The following USP6NL variants were observed in gnomAD, a reference collection of about 807,000 sequenced individuals.
The protein encoded by USP6NL is USP6 N-terminal-like protein.
USP6NL carries 26 observed loss-of-function variants against 61.9 expected under a neutral mutation model. That is an observed-to-expected ratio of 0.42 (90% CI 0.31 to 0.58). The LOEUF (loss-of-function observed/expected upper bound fraction) is 0.58, where lower values mean the gene tolerates loss of function less well. Ranked by LOEUF, USP6NL falls within the 20% of genes least tolerant of loss-of-function variation. The pLI is 0.16. For synonymous variants in USP6NL, 432 were observed against 390.1 expected, an observed-to-expected ratio of 1.11 and a Z score of -1.27; for missense variants, 1,114 against 1,034.3, an observed-to-expected ratio of 1.08 and a Z score of -1.06.
Position 11,592,327 on chromosome 10 carries a change from T to C in USP6NL, c.4+5304A>G, listed in dbSNP as rs1838181754. On this transcript the variant is annotated intron_variant, in intron 2 of 14. Coordinates refer to ENST00000609104, the MANE Select transcript of USP6NL (RefSeq NM_014688.5). This position sits in a 1 kb window ranked among gnomAD's most constrained non-coding sequence, Gnocchi z 4.7. ...TTCTGAGAAGCAATTTCTGCTGGCA[T>C]TCTTCACCACTGACTACAGCTAAAG... Among the ~76,000 whole-genome samples, 1 of 152,216 alleles carries C rather than the reference T, an allele frequency of 6.6e-6. No individual in the cohort carries two copies. The highest frequency in any genetic ancestry group is 2.4e-5 in the African/African-American group (1 of 41,448).
chr10:11,472,482 A>C (rs1832797821), intron 14 of USP6NL, among the ~76,000 whole-genome samples: 1 of 152,240 alleles, frequency 6.6e-6, no homozygotes, highest in Non-Finnish European at 1.5e-5. Flanking sequence ...TTACACTTTC[A>C]ATAGAAGAAT....
chr10:11,535,278 C>T (rs1175863249), intron 2 of USP6NL, among the ~76,000 whole-genome samples: 1 of 152,130 alleles, frequency 6.6e-6, no homozygotes, highest in Non-Finnish European at 1.5e-5. Context: ...TCTCCAGTAC[C>T]CCAGTGGGTC....
At position 11,474,436 on chromosome 10, in the gene USP6NL, A is replaced by G. The variant is rs984399564; in HGVS notation, c.1078+7334T>C. Among the ~76,000 whole-genome samples, 10 of 152,178 alleles carry G rather than the reference A, an allele frequency of 6.6e-5. No homozygotes were observed. Among genetic ancestry groups the G allele is most frequent in the Admixed American group, 3.9e-4 (6 of 15,278 alleles). ...TTTTATTTAAATTGAAATTTGATAC[A>G]TTGAAAGGAAACTGGATATATTACA... On this transcript the variant is annotated intron_variant, in intron 14 of 14. Coordinates refer to ENST00000609104, the MANE Select transcript of USP6NL (RefSeq NM_014688.5). This position sits in a 1 kb window ranked among gnomAD's most constrained non-coding sequence, Gnocchi z 4.9.
At chr10:11,555,918 A>G (rs1836692146) in intron 2 of USP6NL, among the ~76,000 whole-genome samples, 1 of 152,240 alleles carries the variant, frequency 6.6e-6, no homozygotes, top group Non-Finnish European at 1.5e-5. Flanking sequence ...AGTTTCCTTC[A>G]AAACTGAAGG....
chr10:11,516,245 T>C (rs958652511), intron 5 of USP6NL, among the ~76,000 whole-genome samples: 4 of 152,166 alleles, frequency 2.6e-5, no homozygotes, highest in Non-Finnish European at 2.9e-5. Flanking sequence ...AAATAATACA[T>C]TGGCAAAGCT....
chr10:11,573,202 C>T (rs1460205779), intron 2 of USP6NL, among the ~76,000 whole-genome samples: 1 of 152,028 alleles, frequency 6.6e-6, no homozygotes, highest in African/African-American at 2.4e-5. Flanking sequence ...TATGTTCTAC[C>T]ACAGGCAGAA....
At chr10:11,542,357 T>C (rs1836099484) in intron 2 of USP6NL, among the ~76,000 whole-genome samples, 1 of 151,996 alleles carries the variant, frequency 6.6e-6, no homozygotes, top group Non-Finnish European at 1.5e-5. Flanking sequence ...ACAAAAAAGC[T>C]GATAGAAAAA....
intron 2 of USP6NL, among the ~76,000 whole-genome samples, chr10:11,588,396 G>A (rs192047737): frequency 7.4e-4 from 113 of 152,144 alleles, no homozygotes; most frequent in African/African-American, 2.7e-3. Context: ...GTTGTTTTTC[G>A]GAACCATACA....
rs938404266 is a variant in USP6NL, at chr10:11,470,420, C to T, written c.1079-6571G>A. On this transcript the variant is annotated intron_variant, in intron 14 of 14. Transcript: ENST00000609104. This position sits in a 1 kb window ranked among gnomAD's most constrained non-coding sequence, Gnocchi z 5.4. ...AATCTCCTTGACTTCATTACAGAGG[C>T]GGTTCCTTTCTAGAGATTAATTATT... 1.3e-5 allele frequency among the ~76,000 whole-genome samples: 2 copies of T among 152,260 alleles called. No individual in the cohort carries two copies. The highest frequency in any genetic ancestry group is 3.9e-4 in the East Asian group (2 of 5,182).
At chr10:11,464,508 G>C (rs1232610791) in intron 14 of USP6NL, among the ~76,000 whole-genome samples, 1 of 152,222 alleles carries the variant, frequency 6.6e-6, no homozygotes, top group African/African-American at 2.4e-5. Context: ...CCACTAGCAA[G>C]TCACAGGTCC....
chr10:11,481,889 A>G lies in USP6NL; in HGVS notation c.959T>C (p.Val320Ala). Residue 320 changes from valine to alanine, a missense_variant, in exon 14 of 15, where the codon GTA becomes GCA. Val to Ala is a moderately conservative substitution (Grantham distance 64). Coordinates refer to ENST00000609104, the MANE Select transcript of USP6NL (RefSeq NM_014688.5). This position sits in a 1 kb window ranked among gnomAD's most constrained non-coding sequence, Gnocchi z 4.4. ...TGCCAGGGTCTCCTGAAAAAATTCTACAAGTTCTTCCATGGACAATTTCAT... is the reference window on the plus strand; with the variant it reads ...TGCCAGGGTCTCCTGAAAAAATTCTGCAAGTTCTTCCATGGACAATTTCAT... ...HLMKLSMEEL[V>A]EFFQETLAKD... is the part of the protein sequence containing the mutation. 1 of 1,611,540 alleles carries G rather than the reference A, an allele frequency of 6.2e-7. No individual in the cohort carries two copies. Among genetic ancestry groups the G allele is most frequent in the Non-Finnish European group, 8.5e-7 (1 of 1,178,840 alleles).
At position 11,574,205 on chromosome 10, in the gene USP6NL, T is replaced by C. The variant is rs930301460; in HGVS notation, c.4+23426A>G. On this transcript the variant is annotated intron_variant, in intron 2 of 14. Coordinates refer to ENST00000609104, the MANE Select transcript of USP6NL (RefSeq NM_014688.5). The surrounding 1 kb of genome is among the most constrained non-coding windows in gnomAD (Gnocchi z 4.3). ...CTTGTATTTGAAACGGAAAATAAAA[T>C]GTGGATAAAAATAAAATCTATCTTG... 6.6e-6 allele frequency among the ~76,000 whole-genome samples: 1 copy of C among 152,204 alleles called. No homozygotes were observed. Among genetic ancestry groups the C allele is most frequent in the South Asian group, 2.1e-4 (1 of 4,834 alleles).
chr10:11,514,332 G>A (rs1156484264), intron 5 of USP6NL, among the ~76,000 whole-genome samples: 1 of 148,978 alleles, frequency 6.7e-6, no homozygotes, highest in African/African-American at 2.5e-5. Flanking sequence ...TGTGATGGTG[G>A]TAAAATGGTG....
At chr10:11,607,915 G>T (rs1838760647) in intron 1 of USP6NL, among the ~76,000 whole-genome samples, 1 of 152,156 alleles carries the variant, frequency 6.6e-6, no homozygotes, top group South Asian at 2.1e-4. Context: ...AGACACAGGT[G>T]CAATGTGTAC....
intron 2 of USP6NL, among the ~76,000 whole-genome samples, chr10:11,560,170 A>C (rs1300233352): frequency 6.6e-6 from 1 of 152,230 alleles, no homozygotes. Context: ...TGTCTTCTAT[A>C]ATAACAGTCA....
At chr10:11,583,366 T>C (rs1261868852) in intron 2 of USP6NL, among the ~76,000 whole-genome samples, 1 of 150,942 alleles carries the variant, frequency 6.6e-6, no homozygotes, top group Non-Finnish European at 1.5e-5. Flanking sequence ...TTTTTTTTTG[T>C]ATTTTTAGTA....
At chr10:11,582,712 G>C (rs1334967574) in intron 2 of USP6NL, among the ~76,000 whole-genome samples, 1 of 152,092 alleles carries the variant, frequency 6.6e-6, no homozygotes, top group Non-Finnish European at 1.5e-5. Context: ...TTTATCAAAT[G>C]ATAATTCATT....
chr10:11,542,067 CT>C (rs1443168689), intron 2 of USP6NL, among the ~76,000 whole-genome samples: 1 of 152,156 alleles, frequency 6.6e-6, no homozygotes, highest in Non-Finnish European at 1.5e-5. Flanking sequence ...GAAAGTTCCA[CT>C]TGGAATACCG....
chr10:11,555,473 G>GAGAA (rs1555171129), intron 2 of USP6NL, among the ~76,000 whole-genome samples: 4 of 117,288 alleles, frequency 3.4e-5, no homozygotes, highest in East Asian at 4.6e-4. Context: ...GAGAGAGAAA[G>GAGAA]AGAGAGAGAG....
Sources: gnomAD v4.1 joint callset for allele counts (sites outside exome capture counted in the v4.1 genomes callset) on GRCh38, gnomAD v4.1.1 for gene constraint, Gnocchi (gnomAD v3.1) non-coding constraint, MANE v1.5 for transcripts, NCBI Gene and HGNC (gene_info 2026-07-23, HGNC 2026-07-21) for gene names.